ADAMTS3: variants seen among roughly 807,000 people sequenced by gnomAD.
The protein encoded by ADAMTS3 is ADAM metallopeptidase with thrombospondin type 1 motif 3.
ADAMTS3 carries 73 observed loss-of-function variants against 129.0 expected under a neutral mutation model. The ratio of observed to expected loss-of-function variants is 0.57; its 90% CI spans 0.47 to 0.69. ADAMTS3 has a LOEUF of 0.69. Among genes scored for constraint, ADAMTS3 ranks in the 30% least tolerant of loss-of-function variants. The pLI is 0.00. For synonymous variants in ADAMTS3, 477 were observed against 510.8 expected, an observed-to-expected ratio of 0.93 and a Z score of 0.89; for missense variants, 1,457 against 1,514.5, an observed-to-expected ratio of 0.96 and a Z score of 0.63.
At chr4:72,435,987 G>C (rs1717900386) in intron 3 of ADAMTS3, among the ~76,000 whole-genome samples, 1 of 152,006 alleles carries the variant, frequency 6.6e-6, no homozygotes, top group African/African-American at 2.4e-5. Flanking sequence ...GGCAACAAAA[G>C]ACAAAATTGA....
At chr4:72,404,341 G>C (rs1442114191) in intron 4 of ADAMTS3, among the ~76,000 whole-genome samples, 1 of 151,938 alleles carries the variant, frequency 6.6e-6, no homozygotes, top group East Asian at 1.9e-4. Context: ...GAACAGAACA[G>C]ACAGCCCAGA....
intron 3 of ADAMTS3, among the ~76,000 whole-genome samples, chr4:72,459,051 C>T (rs1718697144): frequency 6.6e-6 from 1 of 151,668 alleles, no homozygotes; most frequent in South Asian, 2.1e-4. Context: ...TTCTGAAAAA[C>T]ATTTTACATA....
chr4:72,354,440 T>C (rs559185555), intron 4 of ADAMTS3, among the ~76,000 whole-genome samples: 1 of 152,092 alleles, frequency 6.6e-6, no homozygotes, highest in Admixed American at 6.6e-5. Flanking sequence ...ATTCAGTTTT[T>C]AACCCTACTT....
intron 20 of ADAMTS3, 39 bp downstream of exon 20, chr4:72,290,816 C>T: frequency 6.3e-7 from 1 of 1,590,246 alleles, no homozygotes; most frequent in Non-Finnish European, 8.6e-7. Flanking sequence ...TGCTTACACA[C>T]ACACTTTACT....
chr4:72,473,286 C>CTAGCTAAA (rs966053899), intron 3 of ADAMTS3, among the ~76,000 whole-genome samples: 2 of 151,990 alleles, frequency 1.3e-5, no homozygotes, highest in Admixed American at 1.3e-4. Flanking sequence ...AGAAGGCAGA[C>CTAGCTAAA]TAGCTAAAGA....
chr4:72,453,818 G>C (rs909156878), intron 3 of ADAMTS3, among the ~76,000 whole-genome samples: 1 of 151,088 alleles, frequency 6.6e-6, no homozygotes, highest in Admixed American at 6.6e-5. Flanking sequence ...TTTAAGTAAG[G>C]TGCCAACTGA....
Position 72,301,850 on chromosome 4 carries a change from G to A in ADAMTS3, c.2424+2067C>T, listed in dbSNP as rs577829562. Among the ~76,000 whole-genome samples, 164 of 152,084 alleles carry A rather than the reference G, an allele frequency of 1.1e-3. 1 individual carries two copies. The highest frequency in any genetic ancestry group is 3.8e-3 in the African/African-American group (159 of 41,488). On this transcript the variant is annotated intron_variant, in intron 17 of 21. Coordinates refer to ENST00000286657, the MANE Select transcript of ADAMTS3 (RefSeq NM_014243.3). ...TTAGAGTTTGGAACTTTCAGAGCCG[G>A]CCACTAAAGAGGGGCCTGCTTAGAG...
intron 20 of ADAMTS3, among the ~76,000 whole-genome samples, chr4:72,290,347 G>A (rs1340961367): frequency 2.0e-5 from 3 of 152,176 alleles, no homozygotes; most frequent in Non-Finnish European, 4.4e-5. Context: ...CTGGAAGGTG[G>A]TCATTTGGAC....
intron 4 of ADAMTS3, among the ~76,000 whole-genome samples, chr4:72,383,212 A>C (rs1170113422): frequency 6.6e-6 from 1 of 152,072 alleles, no homozygotes; most frequent in Non-Finnish European, 1.5e-5. Context: ...TCTCCAACCA[A>C]TCCTCTTGTA....
chr4:72,549,962 AAAGAAGAAG>A (rs71655715), intron 2 of ADAMTS3, among the ~76,000 whole-genome samples: 4 of 30,892 alleles, frequency 1.3e-4, no homozygotes, highest in African/African-American at 3.6e-4. Context: ...AAAAAAAAAA[AAAGAAGAAG>A]AAGAAGAAGA....
intron 21 of ADAMTS3, among the ~76,000 whole-genome samples, chr4:72,286,013 G>A (rs959757511): frequency 2.6e-5 from 4 of 152,182 alleles, no homozygotes; most frequent in African/African-American, 7.2e-5. Context: ...ACATGTGACC[G>A]TTAGAACTCT....
chr4:72,378,188 T>C (rs2109875409), intron 4 of ADAMTS3, among the ~76,000 whole-genome samples: 1 of 152,306 alleles, frequency 6.6e-6, no homozygotes, highest in East Asian at 1.9e-4. Context: ...TAAATGGTGG[T>C]GCTCCTTGCA....
chr4:72,302,270 A>T lies in ADAMTS3; in HGVS notation c.2424+1647T>A, dbSNP rs1196341103. On this transcript the variant is annotated intron_variant, in intron 17 of 21. Coordinates refer to ENST00000286657, the MANE Select transcript of ADAMTS3 (RefSeq NM_014243.3). ...AAGGGTAACTTAGATGTAATGAGTG[A>T]ACATTATGAAAAATTCAGCCGAAAA... 9.4e-5 allele frequency among the ~76,000 whole-genome samples: 14 copies of T among 149,534 alleles called. No homozygotes were observed. The Admixed American group carries it at 9.5e-4, about 10-fold the overall frequency.
At chr4:72,464,629 C>T (rs1279192959) in intron 3 of ADAMTS3, among the ~76,000 whole-genome samples, 1 of 151,998 alleles carries the variant, frequency 6.6e-6, no homozygotes, top group African/African-American at 2.4e-5. Flanking sequence ...GAACATGGCA[C>T]TTACCATCCT....
At chr4:72,320,913 CAA>C in intron 6 of ADAMTS3, 43 bp from the exon 7 acceptor site, 1 of 1,575,520 alleles carries the variant, frequency 6.3e-7, no homozygotes, top group Non-Finnish European at 8.6e-7. Flanking sequence ...GACAATTTCC[CAA>C]AGGCTTCGTT....
At chr4:72,311,024 T>G (rs1719218839) in intron 14 of ADAMTS3, 24 bp downstream of exon 14, 7 of 1,570,452 alleles carry the variant, frequency 4.5e-6, no homozygotes, top group Non-Finnish European at 6.1e-6. Context: ...GTAGAAAGCC[T>G]TTGGGGAAGC....
At chr4:72,503,701 T>C (rs535823010) in intron 3 of ADAMTS3, among the ~76,000 whole-genome samples, 3 of 152,340 alleles carry the variant, frequency 2.0e-5, no homozygotes, top group South Asian at 4.1e-4. Flanking sequence ...CAGTCAGTTG[T>C]TGAAATCCCT....
chr4:72,522,253 A>T (rs1720694676), intron 3 of ADAMTS3, among the ~76,000 whole-genome samples: 2 of 152,170 alleles, frequency 1.3e-5, no homozygotes, highest in Admixed American at 1.3e-4. Context: ...GTGGTAGGAC[A>T]AATTTCATCC....
rs74626017 is a variant in ADAMTS3, at chr4:72,568,580, T to C, written c.69+114A>G. 1,350 of 829,302 alleles carry C rather than the reference T, an allele frequency of 1.6e-3. 20 individuals carry two copies. The East Asian group carries it at 0.033, about 20-fold the overall frequency. The allele number at this position is 829,302 out of a possible 1,614,324, so 51.4% of individuals were successfully genotyped here. On this transcript the variant is annotated intron_variant, in intron 1 of 21. Transcript: ENST00000286657. ...AAACACCGTTTCTGAACGCAAAAGA[T>C]AACAGGGAAGGGTGGGAGGAGAAGG...
Sources: gnomAD v4.1 joint callset for allele counts (sites outside exome capture counted in the v4.1 genomes callset) on GRCh38, gnomAD v4.1.1 for gene constraint, MANE v1.5 for transcripts, NCBI Gene and HGNC (gene_info 2026-07-23, HGNC 2026-07-21) for gene names.